The following MIPOL1 variants were observed in gnomAD, a reference collection of about 807,000 sequenced individuals.
The protein encoded by MIPOL1 is mirror-image polydactyly 1, also known as mirror-image polydactyly gene 1 protein.
A neutral mutation model predicts 60.9 loss-of-function variants in MIPOL1; 57 were observed. The ratio of observed to expected loss-of-function variants is 0.94; its 90% CI spans 0.76 to 1.17. MIPOL1 has a LOEUF of 1.17. Ranked by LOEUF, MIPOL1 falls within the 50% of genes most tolerant of loss-of-function variation. MIPOL1 has a pLI of 0.00. For synonymous variants in MIPOL1, 179 were observed against 168.8 expected, an observed-to-expected ratio of 1.06 and a Z score of -0.47; for missense variants, 551 against 511.6, an observed-to-expected ratio of 1.08 and a Z score of -0.74.
intron 8 of MIPOL1, 115 bp downstream of exon 8, chr14:37,308,204 A>G: frequency 8.3e-7 from 1 of 1,207,280 alleles, no homozygotes; most frequent in Non-Finnish European, 1.2e-6. Flanking sequence ...TGACACACTA[A>G]TAATGTACAT....
intron 9 of MIPOL1, among the ~76,000 whole-genome samples, chr14:37,343,177 T>C (rs1322317340): frequency 6.6e-6 from 1 of 151,926 alleles, no homozygotes; most frequent in Non-Finnish European, 1.5e-5. Flanking sequence ...GTTTCAGAGA[T>C]TCATCCACTT....
At chr14:37,338,288 T>C (rs973949110) in intron 9 of MIPOL1, among the ~76,000 whole-genome samples, 1 of 149,704 alleles carries the variant, frequency 6.7e-6, no homozygotes, top group African/African-American at 2.5e-5. Context: ...CTGTATTTTT[T>C]TTTAGTACAG....
chr14:37,270,410 T>C lies in MIPOL1; in HGVS notation c.388-10T>C. 2.1e-6 allele frequency: 3 copies of C among 1,419,292 alleles called. No homozygotes were observed. The highest frequency in any genetic ancestry group is 4.9e-5 in the East Asian group (2 of 41,178). The allele number at this position is 1,419,292 out of a possible 1,614,324, so 87.9% of individuals were successfully genotyped here. A position where few individuals can be genotyped will look rare whatever the true frequency, so the allele number is the denominator to read the frequency against. On this transcript the variant is annotated splice_polypyrimidine_tract_variant and intron_variant, in intron 5 of 12. Coordinates refer to ENST00000684589, the MANE Select transcript of MIPOL1 (RefSeq NM_001388067.1). ...AATAAGAATCCATGATTTTTTTCAA[T>C]GTGCTTTAGCTTCAGCAGAAATTGG...
In MIPOL1 at chr14:37,408,802, C is replaced by T. The variant is rs1040836073; in HGVS notation, c.937-14053C>T. ...TGTGGCAGGCAGATACTGCAGGGAC[C>T]CTCCTGTTGCTAAACTGCTAGGTCC... On this transcript the variant is annotated intron_variant, in intron 10 of 12. Coordinates refer to ENST00000684589, the MANE Select transcript of MIPOL1 (RefSeq NM_001388067.1). Among the ~76,000 whole-genome samples, 3 of 152,050 alleles carry T rather than the reference C, an allele frequency of 2.0e-5. 1 individual carries two copies. Among genetic ancestry groups the T allele is most frequent in the South Asian group, 4.1e-4 (2 of 4,824 alleles).
intron 11 of MIPOL1, among the ~76,000 whole-genome samples, chr14:37,445,357 A>G (rs1414092656): frequency 5.3e-5 from 8 of 152,178 alleles, no homozygotes; most frequent in Non-Finnish European, 8.8e-5. Flanking sequence ...TAAGAATCCA[A>G]CTTACAAGGG....
intron 10 of MIPOL1, among the ~76,000 whole-genome samples, chr14:37,415,030 T>C (rs2093740256): frequency 6.6e-6 from 1 of 152,176 alleles, no homozygotes; most frequent in Admixed American, 6.5e-5. Context: ...TGGGAGTTAG[T>C]TATTGCAGTA....
chr14:37,417,383 A>G (rs1018829601), intron 10 of MIPOL1, among the ~76,000 whole-genome samples: 2 of 152,136 alleles, frequency 1.3e-5, no homozygotes, highest in Non-Finnish European at 2.9e-5. Context: ...GAGGAACCTC[A>G]TTATCTCTGG....
At chr14:37,349,985 A>G (rs766510727) in intron 9 of MIPOL1, among the ~76,000 whole-genome samples, 4 of 152,086 alleles carry the variant, frequency 2.6e-5, no homozygotes, top group Non-Finnish European at 5.9e-5. Flanking sequence ...ATTTTTTTTT[A>G]AATCTGAATT....
At chr14:37,290,506 A>G (rs1445012348) in intron 7 of MIPOL1, among the ~76,000 whole-genome samples, 1 of 152,044 alleles carries the variant, frequency 6.6e-6, no homozygotes, top group South Asian at 2.1e-4. Context: ...GATTACAGAC[A>G]TGAGCCACCG....
chr14:37,293,144 TTTC>T (rs33989899), intron 7 of MIPOL1, among the ~76,000 whole-genome samples: 96,807 of 151,684 alleles, frequency 0.64, 31,013 homozygotes, highest in Non-Finnish European at 0.67. Context: ...ATGAAAAGTT[TTTC>T]TTACTTTTCT....
chr14:37,209,532 C>T (rs752128812), intron 1 of MIPOL1, among the ~76,000 whole-genome samples: 17 of 151,976 alleles, frequency 1.1e-4, no homozygotes, highest in African/African-American at 2.2e-4. Context: ...TGGTGGCGCT[C>T]GCCTGTAATC....
At chr14:37,200,220 T>C (rs1041377161) in intron 1 of MIPOL1, among the ~76,000 whole-genome samples, 2 of 152,246 alleles carry the variant, frequency 1.3e-5, no homozygotes, top group African/African-American at 4.8e-5. Flanking sequence ...ACCTGTATTT[T>C]AGGTTGTACA....
chr14:37,256,481 A>G (rs2153370288), intron 3 of MIPOL1, among the ~76,000 whole-genome samples: 1 of 152,086 alleles, frequency 6.6e-6, no homozygotes, highest in African/African-American at 2.4e-5. Context: ...ATGATTTTTA[A>G]ATGTTTATCA....
chr14:37,512,592 T>G (rs1211335243), intron 12 of MIPOL1, among the ~76,000 whole-genome samples: 2 of 152,058 alleles, frequency 1.3e-5, no homozygotes, highest in Non-Finnish European at 2.9e-5. Context: ...TGCTAAAAAA[T>G]GAAAGGCCTC....
intron 9 of MIPOL1, among the ~76,000 whole-genome samples, chr14:37,309,827 C>A (rs2087145687): frequency 6.6e-6 from 1 of 151,924 alleles, no homozygotes; most frequent in African/African-American, 2.4e-5. Context: ...GCTGGGACTA[C>A]AGGTGTGCGC....
chr14:37,330,598 C>G (rs1261789458), intron 9 of MIPOL1, among the ~76,000 whole-genome samples: 1 of 152,046 alleles, frequency 6.6e-6, no homozygotes, highest in African/African-American at 2.4e-5. Flanking sequence ...AATGGCTATC[C>G]CAGCAGGTTG....
chr14:37,341,105 C>A (rs2090538181), intron 9 of MIPOL1, among the ~76,000 whole-genome samples: 1 of 152,124 alleles, frequency 6.6e-6, no homozygotes, highest in East Asian at 1.9e-4. Context: ...TGCACAACAA[C>A]AAAATAGCCT....
chr14:37,204,085 T>G (rs752694676), intron 1 of MIPOL1, among the ~76,000 whole-genome samples: 1 of 151,650 alleles, frequency 6.6e-6, no homozygotes, highest in Non-Finnish European at 1.5e-5. Context: ...CCCAGCCCCC[T>G]CAGGGATATT....
At chr14:37,280,376 G>T (rs934142286) in intron 6 of MIPOL1, among the ~76,000 whole-genome samples, 8 of 152,098 alleles carry the variant, frequency 5.3e-5, no homozygotes, top group African/African-American at 1.9e-4. Context: ...TCTACTTTTA[G>T]TTTTTTGTGG....
Sources: gnomAD v4.1 joint callset for allele counts (sites outside exome capture counted in the v4.1 genomes callset) on GRCh38, gnomAD v4.1.1 for gene constraint, MANE v1.5 for transcripts, NCBI Gene and HGNC (gene_info 2026-07-23, HGNC 2026-07-21) for gene names.